Variants in CNTN5 observed in about 807,000 individuals in gnomAD.
The protein encoded by CNTN5 is contactin 5.
CNTN5 carries 77 observed loss-of-function variants against 129.1 expected under a neutral mutation model. The ratio of observed to expected loss-of-function variants is 0.60; its 90% CI spans 0.50 to 0.72. The LOEUF (loss-of-function observed/expected upper bound fraction) is 0.72. Ranked by LOEUF, CNTN5 falls within the 30% of genes least tolerant of loss-of-function variation. CNTN5 has a pLI of 0.00. For synonymous variants in CNTN5, 509 were observed against 465.6 expected (o/e 1.09, Z -1.20); for missense variants, 1,478 against 1,328.8 (o/e 1.11, Z -1.75).
At chr11:100,210,374 A>C (rs1230794817) in intron 15 of CNTN5, among the ~76,000 whole-genome samples, 54 of 148,896 alleles carry the variant, frequency 3.6e-4, no homozygotes, top group Admixed American at 3.6e-3. Context: ...AAAAGTCCAG[A>C]TTTATATTGT....
intron 3 of CNTN5, among the ~76,000 whole-genome samples, chr11:99,586,780 A>C (rs1261058812): frequency 1.3e-5 from 2 of 152,132 alleles, no homozygotes; most frequent in African/African-American, 4.8e-5. Context: ...GACTGACTTT[A>C]TTTAAAGTTT....
chr11:100,288,253 T>C (rs1035673847), intron 18 of CNTN5, among the ~76,000 whole-genome samples: 16 of 151,990 alleles, frequency 1.1e-4, no homozygotes, highest in Non-Finnish European at 1.6e-4. Flanking sequence ...CTGTACCAAG[T>C]GGACCTAATA....
At chr11:99,566,479 C>G (rs1044876564) in intron 3 of CNTN5, among the ~76,000 whole-genome samples, 1 of 152,102 alleles carries the variant, frequency 6.6e-6, no homozygotes, top group African/African-American at 2.4e-5. Context: ...CTTTTCCCAG[C>G]GTGTTTTGTC....
At chr11:99,840,385 A>T (rs1477629899) in intron 4 of CNTN5, among the ~76,000 whole-genome samples, 1 of 152,174 alleles carries the variant, frequency 6.6e-6, no homozygotes, top group African/African-American at 2.4e-5. Context: ...CATAATAAGA[A>T]CTATGAATAA....
chr11:99,652,937 A>G (rs1317018862), intron 3 of CNTN5, among the ~76,000 whole-genome samples: 1 of 152,012 alleles, frequency 6.6e-6, no homozygotes, highest in Non-Finnish European at 1.5e-5. Flanking sequence ...TTTAAAAAGG[A>G]GTTCATTGAG....
chr11:99,771,590 A>G (rs1471898387), intron 3 of CNTN5, among the ~76,000 whole-genome samples: 1 of 152,004 alleles, frequency 6.6e-6, no homozygotes, highest in Non-Finnish European at 1.5e-5. Context: ...TGTAGAATCT[A>G]AAAAAGTGAA....
chr11:100,033,570 C>T (rs10791120), intron 9 of CNTN5, among the ~76,000 whole-genome samples: 47,066 of 152,020 alleles, frequency 0.31, 7,634 homozygotes, highest in East Asian at 0.47. Context: ...CATGGTCCAT[C>T]GCTTATTCTC....
intron 2 of CNTN5, among the ~76,000 whole-genome samples, chr11:99,327,161 C>T (rs1394523457): frequency 1.3e-5 from 2 of 152,148 alleles, no homozygotes; most frequent in Non-Finnish European, 2.9e-5. Context: ...GTTTATGATG[C>T]TTGTGACATT....
chr11:99,681,542 T>G (rs1210533142), intron 3 of CNTN5, among the ~76,000 whole-genome samples: 1 of 152,082 alleles, frequency 6.6e-6, no homozygotes, highest in East Asian at 1.9e-4. Context: ...TGAAGTATTT[T>G]TTAATTAAGG....
intron 2 of CNTN5, among the ~76,000 whole-genome samples, chr11:99,337,006 C>T (rs1251957734): frequency 4.6e-5 from 7 of 152,120 alleles, no homozygotes; most frequent in Admixed American, 1.3e-4. Context: ...TTTGAAGTCA[C>T]ATAAGGACAC....
chr11:99,098,353 C>T (rs1210029644), intron 1 of CNTN5, among the ~76,000 whole-genome samples: 4 of 152,036 alleles, frequency 2.6e-5, no homozygotes. Flanking sequence ...GTAGGCCATG[C>T]AAGACAGTGT....
At chr11:99,737,780 A>G (rs1420262162) in intron 3 of CNTN5, among the ~76,000 whole-genome samples, 1 of 152,164 alleles carries the variant, frequency 6.6e-6, no homozygotes, top group Non-Finnish European at 1.5e-5. Flanking sequence ...CCTAATGTAG[A>G]TTTGTTACTC....
chr11:100,075,265 A>G (rs10501942), intron 13 of CNTN5, among the ~76,000 whole-genome samples: 12,763 of 152,104 alleles, frequency 0.084, 667 homozygotes, highest in East Asian at 0.22. Flanking sequence ...ATTTCAGATT[A>G]AACAATTTTT....
At chr11:99,835,108 T>C (rs927516630) in intron 4 of CNTN5, among the ~76,000 whole-genome samples, 4 of 152,230 alleles carry the variant, frequency 2.6e-5, no homozygotes, top group Admixed American at 2.6e-4. Flanking sequence ...ACCCAGATTA[T>C]TGAGTCCTAC....
intron 3 of CNTN5, among the ~76,000 whole-genome samples, chr11:99,764,315 A>C (rs2135296270): frequency 6.6e-6 from 1 of 152,232 alleles, no homozygotes; most frequent in Non-Finnish European, 1.5e-5. Flanking sequence ...CAAATAGGAA[A>C]ACAAGTTGGG....
intron 1 of CNTN5, among the ~76,000 whole-genome samples, chr11:99,039,149 A>G (rs1044006600): frequency 6.6e-6 from 1 of 152,190 alleles, no homozygotes; most frequent in African/African-American, 2.4e-5. Context: ...AATTTCATAA[A>G]TTCATGTAGA....
chr11:99,944,186 G>A (rs2136122908), intron 7 of CNTN5, among the ~76,000 whole-genome samples: 1 of 151,926 alleles, frequency 6.6e-6, no homozygotes, highest in East Asian at 1.9e-4. Flanking sequence ...AGTGTTAAGA[G>A]GGAAATTTAT....
intron 16 of CNTN5, chr11:100,225,411 C>T (rs1488954790): frequency 6.6e-6 from 1 of 152,148 alleles, no homozygotes. Context: ...ATGACTAGAG[C>T]ACCCATTTCC....
chr11:99,396,105 GCATT>G (rs1941508019), intron 2 of CNTN5, among the ~76,000 whole-genome samples: 1 of 151,644 alleles, frequency 6.6e-6, no homozygotes, highest in South Asian at 2.1e-4. Flanking sequence ...AATAGGAATG[GCATT>G]CAATCTATAA....
Sources: gnomAD v4.1 joint callset for allele counts (sites outside exome capture counted in the v4.1 genomes callset) on GRCh38, gnomAD v4.1.1 for gene constraint, MANE v1.5 for transcripts, NCBI Gene and HGNC (gene_info 2026-07-23, HGNC 2026-07-21) for gene names.